PEAK1: variants seen among roughly 807,000 people sequenced by gnomAD.
PEAK1 encodes inactive tyrosine-protein kinase PEAK1.
Under a neutral mutation model 124.7 loss-of-function variants are expected in PEAK1, and 54 were observed. The observed-to-expected ratio is 0.43, with a 90% CI of 0.35 to 0.54. PEAK1 has a LOEUF of 0.54. Among genes scored for constraint, PEAK1 ranks in the 20% least tolerant of loss-of-function variants. PEAK1 has a pLI of 0.01. For missense variants in PEAK1, 2,046 were observed against 2,134.5 expected (o/e 0.96, Z 0.82); for synonymous variants, 719 against 760.0 (o/e 0.95, Z 0.89).
chr15:77,261,266 G>C (rs2061424096), intron 5 of PEAK1, among the ~76,000 whole-genome samples: 1 of 152,204 alleles, frequency 6.6e-6, no homozygotes, highest in African/African-American at 2.4e-5. Context: ...AACAAAGCCG[G>C]ATGGAGAATG....
At chr15:77,233,714 T>C (rs1050164498) in intron 6 of PEAK1, among the ~76,000 whole-genome samples, 5 of 152,256 alleles carry the variant, frequency 3.3e-5, no homozygotes, top group African/African-American at 1.2e-4. Flanking sequence ...AACCGTCTTC[T>C]TGACATCTCC....
intron 6 of PEAK1, among the ~76,000 whole-genome samples, chr15:77,214,489 T>C (rs1596650011): frequency 6.7e-6 from 1 of 149,342 alleles, no homozygotes; most frequent in Non-Finnish European, 1.5e-5. Context: ...CCGGGCATGG[T>C]GGCGGGCGCC....
chr15:77,347,372 T>C, intron 2 of PEAK1: 5 of 979,652 alleles, frequency 5.1e-6, no homozygotes, highest in Non-Finnish European at 6.0e-6. Context: ...GAGGAAGAGG[T>C]TTCTGAATCA....
intron 6 of PEAK1, among the ~76,000 whole-genome samples, chr15:77,248,802 T>TTTTAC (rs1376445413): frequency 3.2e-5 from 3 of 92,558 alleles, no homozygotes; most frequent in African/African-American, 9.2e-5. Flanking sequence ...TACTACTATA[T>TTTTAC]TTTATTTTAT....
At chr15:77,103,688 T>A (rs1596189669), downstream of PEAK1, 2 of 152,264 alleles carry the variant, frequency 1.3e-5, no homozygotes, top group South Asian at 4.1e-4. Flanking sequence ...AAGAAGGTTG[T>A]CAGTTGCTCT....
intron 9 of PEAK1, among the ~76,000 whole-genome samples, chr15:77,126,361 T>A (rs1014381795): frequency 6.6e-6 from 1 of 152,218 alleles, no homozygotes; most frequent in African/African-American, 2.4e-5. Context: ...CCTAGTTTGT[T>A]TCCAATTTTT....
At chr15:77,207,401 G>C (rs1237075783) in intron 6 of PEAK1, among the ~76,000 whole-genome samples, 5 of 152,150 alleles carry the variant, frequency 3.3e-5, no homozygotes, top group Non-Finnish European at 7.4e-5. Context: ...GCTTACAGTA[G>C]TTTTAGTCAT....
At chr15:77,126,302 T>C (rs890652904) in intron 9 of PEAK1, among the ~76,000 whole-genome samples, 4 of 152,212 alleles carry the variant, frequency 2.6e-5, no homozygotes, top group African/African-American at 9.6e-5. Flanking sequence ...AAACATTCCA[T>C]TGGACTTATG....
At chr15:77,122,404 T>C (rs543781239) in intron 9 of PEAK1, among the ~76,000 whole-genome samples, 39 of 152,356 alleles carry the variant, frequency 2.6e-4, no homozygotes, top group Admixed American at 5.2e-4. Context: ...CTTGTGTTCC[T>C]GAGCCAGTAA....
At chr15:77,196,769 A>G (rs1008104988) in intron 6 of PEAK1, among the ~76,000 whole-genome samples, 1 of 152,230 alleles carries the variant, frequency 6.6e-6, no homozygotes, top group African/African-American at 2.4e-5. Context: ...CTGAGAGGTT[A>G]TAATAGAAAA....
intron 6 of PEAK1, among the ~76,000 whole-genome samples, chr15:77,184,056 T>C (rs1437979293): frequency 2.0e-5 from 3 of 152,144 alleles, no homozygotes; most frequent in East Asian, 1.9e-4. Flanking sequence ...TCTCAAACTC[T>C]TGGGCTCAAG....
At chr15:77,154,742 T>C (rs534993065) in intron 8 of PEAK1, among the ~76,000 whole-genome samples, 2 of 152,048 alleles carry the variant, frequency 1.3e-5, no homozygotes, top group South Asian at 2.1e-4. Context: ...CCTTCACTTA[T>C]GAAGCTTAGT....
At chr15:77,231,557 T>C (rs1233616584) in intron 6 of PEAK1, among the ~76,000 whole-genome samples, 2 of 152,300 alleles carry the variant, frequency 1.3e-5, no homozygotes, top group Non-Finnish European at 2.9e-5. Flanking sequence ...TTTGGTTAAC[T>C]GCCCAAATGA....
intron 5 of PEAK1, among the ~76,000 whole-genome samples, chr15:77,254,892 G>C (rs894124882): frequency 6.6e-6 from 1 of 152,040 alleles, no homozygotes; most frequent in Admixed American, 6.6e-5. Context: ...CAGAAACATG[G>C]ACAAATAATA....
chr15:77,219,996 A>G (rs1212573837), intron 6 of PEAK1, among the ~76,000 whole-genome samples: 1 of 152,166 alleles, frequency 6.6e-6, no homozygotes, highest in Non-Finnish European at 1.5e-5. Flanking sequence ...AGAAGCATGC[A>G]GACATCAACA....
chr15:77,340,163 C>A (rs796648788), intron 2 of PEAK1, among the ~76,000 whole-genome samples: 38 of 152,316 alleles, frequency 2.5e-4, no homozygotes, highest in African/African-American at 8.7e-4. Flanking sequence ...CACACAAAAA[C>A]CTGCATGCAA....
chr15:77,407,954 C>T (rs62007274), intron 1 of PEAK1, among the ~76,000 whole-genome samples: 14,844 of 89,754 alleles, frequency 0.17, 809 homozygotes, highest in Non-Finnish European at 0.22. Context: ...CACATATACA[C>T]ACATATATAC....
intron 6 of PEAK1, among the ~76,000 whole-genome samples, chr15:77,250,192 CATAT>C (rs1197348228): frequency 3.8e-5 from 4 of 104,102 alleles, no homozygotes; most frequent in Non-Finnish European, 6.5e-5. Context: ...TATATATATA[CATAT>C]ATATACATAT....
At chr15:77,174,697 A>G (rs2056735048) in intron 7 of PEAK1, among the ~76,000 whole-genome samples, 1 of 152,222 alleles carries the variant, frequency 6.6e-6, no homozygotes, top group African/African-American at 2.4e-5. Flanking sequence ...TACAGATTCA[A>G]TGCCATCCCC....
Sources: allele counts gnomAD v4.1 joint callset (sites outside exome capture counted in the v4.1 genomes callset), GRCh38; gene constraint gnomAD v4.1.1; transcripts MANE v1.5; gene names NCBI Gene and HGNC (gene_info 2026-07-23, HGNC 2026-07-21).